Variants in PCNX2 observed in about 807,000 individuals in gnomAD.
PCNX2 encodes the protein pecanex-like protein 2.
PCNX2 carries 168 observed loss-of-function variants against 223.8 expected under a neutral mutation model. The observed-to-expected ratio is 0.75, with a 90% confidence interval of 0.66 to 0.85. PCNX2 has a LOEUF of 0.85. Ranked by LOEUF, PCNX2 falls within the 40% of genes least tolerant of loss-of-function variation. The pLI is 0.00. For synonymous variants in PCNX2, 1,006 were observed against 1,052.6 expected (o/e 0.96, Z 0.86); for missense variants, 2,507 against 2,675.5 (o/e 0.94, Z 1.39).
In PCNX2 at chr1:232,986,197, G is replaced by A. The variant is rs577683300; in HGVS notation, c.6135C>T (p.Ser2045=). ...TGCCCCCCTCCGCAGCAGAGAGTCC[G>A]GAAATGACGAGCGCGCTGGAAAAGC... ...KRSFSSALVI[S]GLSAAEGGNT... is the part of the protein sequence containing the mutation. Residue 2045 remains serine (S), a synonymous_variant, in exon 33 of 34, where the codon TCC becomes TCT. Transcript: ENST00000258229. 3.8e-5 allele frequency: 59 copies of A among 1,560,570 alleles called. No homozygotes were observed. In the South Asian group the frequency reaches 3.9e-4, roughly 10 times the overall value.
intron 26 of PCNX2, chr1:233,019,180 C>T: frequency 2.0e-6 from 2 of 985,438 alleles, no homozygotes; most frequent in Non-Finnish European, 2.4e-6. Context: ...GCTGTGAGGA[C>T]TGAGGACAGC....
rs575821584 is a variant in PCNX2, at chr1:232,994,817, C to A, written c.5791+3434G>T. On this transcript the variant is annotated intron_variant, in intron 32 of 33. Transcript: ENST00000258229. ...TGTGGCACTTCCTCACTCTTGCTCTCTCCTGCCACCATGTAAGATGTGTCT... is the reference window on the plus strand; with the variant it reads ...TGTGGCACTTCCTCACTCTTGCTCTATCCTGCCACCATGTAAGATGTGTCT... Among the ~76,000 whole-genome samples the A allele has an allele frequency of 1.1e-4, 16 of 152,280 alleles. No individual in the cohort carries two copies. In the South Asian group the frequency reaches 3.3e-3, roughly 32 times the overall value.
intron 1 of PCNX2, among the ~76,000 whole-genome samples, chr1:233,287,576 T>G (rs1168470832): frequency 6.6e-6 from 1 of 152,212 alleles, no homozygotes; most frequent in Non-Finnish European, 1.5e-5. Context: ...TCATTTGCCT[T>G]GTGCCATGAC....
intron 8 of PCNX2, among the ~76,000 whole-genome samples, chr1:233,240,551 C>T (rs559408940): frequency 1.1e-4 from 17 of 152,216 alleles, no homozygotes; most frequent in Non-Finnish European, 2.5e-4. Context: ...CGATACTTAG[C>T]ACATCTGGTC....
chr1:233,283,767 G>T (rs973417746), intron 1 of PCNX2, among the ~76,000 whole-genome samples: 2 of 152,082 alleles, frequency 1.3e-5, no homozygotes, highest in African/African-American at 4.8e-5. Context: ...TTACCATTTT[G>T]CAACCACCAT....
At chr1:233,008,874 A>C (rs1426685128) in intron 28 of PCNX2, among the ~76,000 whole-genome samples, 1 of 152,216 alleles carries the variant, frequency 6.6e-6, no homozygotes, top group Admixed American at 6.5e-5. Context: ...AACCTAGCAC[A>C]GGACAGGTCC....
At chr1:233,027,765 C>A (rs1671133053) in intron 25 of PCNX2, among the ~76,000 whole-genome samples, 2 of 152,140 alleles carry the variant, frequency 1.3e-5, no homozygotes, top group Admixed American at 6.5e-5. Context: ...TCCCCTTCCC[C>A]TCTTCCTTTT....
chr1:233,273,362 A>C (rs924567782), intron 1 of PCNX2, among the ~76,000 whole-genome samples: 5 of 151,870 alleles, frequency 3.3e-5, no homozygotes, highest in Non-Finnish European at 7.4e-5. Context: ...TCAAAGTGGG[A>C]GGGTCCTTAG....
At chr1:233,057,325 T>A in intron 23 of PCNX2, 35 bp from the exon 24 acceptor site, 2 of 1,526,602 alleles carry the variant, frequency 1.3e-6, no homozygotes, top group Non-Finnish European at 1.8e-6. Flanking sequence ...AAGGTCATGA[T>A]TAGATCCCCC....
the PCNX2 span, among the ~76,000 whole-genome samples, chr1:233,306,228 A>C: frequency 6.6e-6 from 1 of 152,380 alleles, no homozygotes; most frequent in East Asian, 1.9e-4. Context: ...ATAAACCTAT[A>C]TGCACCCAAC....
intron 17 of PCNX2, among the ~76,000 whole-genome samples, chr1:233,162,372 C>T (rs1406252709): frequency 2.0e-5 from 3 of 152,166 alleles, no homozygotes; most frequent in Non-Finnish European, 4.4e-5. Flanking sequence ...CTCCCTTTCT[C>T]ATATCGAAGG....
At chr1:233,161,865 T>C (rs1390095951) in intron 17 of PCNX2, among the ~76,000 whole-genome samples, 2 of 151,836 alleles carry the variant, frequency 1.3e-5, no homozygotes, top group Admixed American at 6.6e-5. Context: ...AAACCTCTTA[T>C]ACGTTTCTTA....
the PCNX2 span, among the ~76,000 whole-genome samples, chr1:233,325,212 A>T: frequency 6.6e-6 from 1 of 152,198 alleles, no homozygotes; most frequent in Non-Finnish European, 1.5e-5. Context: ...CATTAAAAAC[A>T]CTCATAATTC....
chr1:233,263,916 C>T (rs998308698), intron 1 of PCNX2, among the ~76,000 whole-genome samples: 2 of 152,110 alleles, frequency 1.3e-5, no homozygotes, highest in African/African-American at 4.8e-5. Flanking sequence ...GTAACCACTC[C>T]CCCATTCCCC....
intron 1 of PCNX2, among the ~76,000 whole-genome samples, chr1:233,274,240 C>T (rs1469118899): frequency 6.6e-6 from 1 of 152,184 alleles, no homozygotes; most frequent in Non-Finnish European, 1.5e-5. Flanking sequence ...TAGCCCAGGG[C>T]TTCCCAGTCT....
intron 26 of PCNX2, among the ~76,000 whole-genome samples, chr1:233,020,608 G>C (rs528938173): frequency 2.0e-5 from 3 of 152,322 alleles, no homozygotes; most frequent in East Asian, 3.9e-4. Context: ...CCAACCTGTC[G>C]GGTTGTTCGC....
intron 28 of PCNX2, among the ~76,000 whole-genome samples, chr1:233,013,737 G>A (rs1042267130): frequency 6.6e-6 from 1 of 152,140 alleles, no homozygotes; most frequent in Non-Finnish European, 1.5e-5. Context: ...AGCTCCCTAG[G>A]TTTGTGTTCT....
chr1:233,201,142 T>C (rs1386216884), intron 13 of PCNX2, among the ~76,000 whole-genome samples: 1 of 144,686 alleles, frequency 6.9e-6, no homozygotes, highest in Non-Finnish European at 1.5e-5. Context: ...TTGGTTAAAA[T>C]TCACTATGGA....
intron 15 of PCNX2, among the ~76,000 whole-genome samples, chr1:233,180,363 C>T (rs1679716870): frequency 6.6e-6 from 1 of 152,144 alleles, no homozygotes; most frequent in African/African-American, 2.4e-5. Flanking sequence ...AGCTCCTCTC[C>T]CACACACACC....
Sources: gnomAD v4.1 joint callset for allele counts (sites outside exome capture counted in the v4.1 genomes callset) on GRCh38, gnomAD v4.1.1 for gene constraint, MANE v1.5 for transcripts, NCBI Gene and HGNC (gene_info 2026-07-23, HGNC 2026-07-21) for gene names.